NUSAP1: variants seen among roughly 807,000 people sequenced by gnomAD.
The protein encoded by NUSAP1 is nucleolar and spindle-associated protein 1.
Under a neutral mutation model 52.8 loss-of-function variants are expected in NUSAP1, and 32 were observed. That is an observed-to-expected ratio of 0.61 (90% CI 0.46 to 0.81). NUSAP1 has a LOEUF of 0.81. NUSAP1 is among the 40% of genes least tolerant of loss of function. The pLI, the probability that NUSAP1 is intolerant of heterozygous loss-of-function variation, is 0.00. For synonymous variants in NUSAP1, 195 were observed against 183.1 expected (o/e 1.06, Z -0.52); for missense variants, 499 against 522.3 (o/e 0.96, Z 0.43).
At chr15:41,349,450 C>T in intron 3 of NUSAP1, 1 of 465,584 alleles carries the variant, frequency 2.1e-6, no homozygotes, top group South Asian at 3.4e-5. Context: ...AAGTATTAAG[C>T]TCACATTAAA....
At chr15:41,367,274 C>A (rs1331507838) in intron 7 of NUSAP1, among the ~76,000 whole-genome samples, 1 of 152,214 alleles carries the variant, frequency 6.6e-6, no homozygotes, top group Non-Finnish European at 1.5e-5. Context: ...AGGCACATAG[C>A]CACTCAGCCA....
chr15:41,359,816 A>G (rs1156660313), intron 6 of NUSAP1, among the ~76,000 whole-genome samples: 1 of 146,104 alleles, frequency 6.8e-6, no homozygotes, highest in East Asian at 2.1e-4. Context: ...TATTTTTAGT[A>G]GAGACGGGTT....
intron 9 of NUSAP1, 118 bp downstream of exon 9, chr15:41,375,946 A>G: frequency 1.5e-6 from 1 of 655,166 alleles, no homozygotes; most frequent in Non-Finnish European, 2.7e-6. Flanking sequence ...GGCACCTGTA[A>G]TCCCAGATAC....
At chr15:41,340,871 C>T (rs2048343214) in intron 1 of NUSAP1, among the ~76,000 whole-genome samples, 1 of 152,148 alleles carries the variant, frequency 6.6e-6, no homozygotes, top group Non-Finnish European at 1.5e-5. Flanking sequence ...TAGGCTTGCA[C>T]CACAAGCAAA....
intron 7 of NUSAP1, among the ~76,000 whole-genome samples, chr15:41,368,097 C>G (rs1323097618): frequency 6.6e-6 from 1 of 152,176 alleles, no homozygotes. Context: ...TATTTGTTGC[C>G]TTTGTCCTTT....
chr15:41,367,433 G>A (rs1213205591), intron 7 of NUSAP1, among the ~76,000 whole-genome samples: 1 of 152,172 alleles, frequency 6.6e-6, no homozygotes, highest in Admixed American at 6.5e-5. Context: ...CCCCTACCAA[G>A]CCCCTGTGGG....
intron 2 of NUSAP1, among the ~76,000 whole-genome samples, chr15:41,347,728 G>A (rs2048628742): frequency 6.6e-6 from 1 of 151,576 alleles, no homozygotes. Flanking sequence ...GCAGGAGAAT[G>A]GCATGAACCC....
At chr15:41,334,352 C>T (rs1250361618) in intron 1 of NUSAP1, among the ~76,000 whole-genome samples, 5 of 152,132 alleles carry the variant, frequency 3.3e-5, no homozygotes, top group African/African-American at 7.2e-5. Flanking sequence ...CTCCTGACTT[C>T]CTGATCCGCC....
At chr15:41,341,104 C>G (rs2048350448) in intron 1 of NUSAP1, among the ~76,000 whole-genome samples, 1 of 152,130 alleles carries the variant, frequency 6.6e-6, no homozygotes. Flanking sequence ...GCTCTATCGC[C>G]CAGACTAGAG....
intron 6 of NUSAP1, among the ~76,000 whole-genome samples, chr15:41,363,375 C>CAT (rs200759144): frequency 0.015 from 2,301 of 148,578 alleles, 68 homozygotes; most frequent in African/African-American, 0.054. Flanking sequence ...AAATTATATA[C>CAT]ATATATATAT....
intron 1 of NUSAP1, among the ~76,000 whole-genome samples, chr15:41,335,511 A>T (rs932380441): frequency 1.4e-5 from 2 of 138,146 alleles, no homozygotes; most frequent in African/African-American, 5.3e-5. Flanking sequence ...TTTAGTATAG[A>T]TATACTATAT....
Position 41,380,200 on chromosome 15 carries a change from T to A in NUSAP1, c.*14T>A, listed in dbSNP as rs768050707. 3 of 1,527,980 alleles carry A rather than the reference T, an allele frequency of 2.0e-6. No homozygotes were observed. The highest frequency in any genetic ancestry group is 1.2e-5 in the South Asian group (1 of 81,882). 94.7% of individuals were successfully genotyped at this position (1,527,980 alleles called of 1,614,324 possible). Reference sequence around the variant, plus strand: ...GCTGAAGATTAATAATTTTTTAACATCTTGTAAATATTCCTGTATTCTCAA... The same window carrying A: ...GCTGAAGATTAATAATTTTTTAACAACTTGTAAATATTCCTGTATTCTCAA... On this transcript the variant is annotated 3_prime_UTR_variant, in exon 11 of 11. Coordinates refer to ENST00000559596, the MANE Select transcript of NUSAP1 (RefSeq NM_016359.5).
At chr15:41,360,710 G>T (rs959413053) in intron 6 of NUSAP1, among the ~76,000 whole-genome samples, 12 of 151,622 alleles carry the variant, frequency 7.9e-5, no homozygotes, top group African/African-American at 2.9e-4. Flanking sequence ...ACCCACCTCA[G>T]CCTCCCAAAG....
At chr15:41,378,944 G>GGTTTTTTTT (rs1253258207) in intron 10 of NUSAP1, among the ~76,000 whole-genome samples, 6 of 63,260 alleles carry the variant, frequency 9.5e-5, no homozygotes, top group African/African-American at 3.5e-4. Flanking sequence ...ACTTATCTTG[G>GGTTTTTTTT]TTTTTTTTTT....
chr15:41,345,200 A>G lies in NUSAP1; in HGVS notation c.162+2746A>G, dbSNP rs536142150. Among the ~76,000 whole-genome samples, 4 of 151,510 alleles carry G rather than the reference A, an allele frequency of 2.6e-5. No homozygotes were observed. In the East Asian group the frequency reaches 7.9e-4, roughly 30 times the overall value. On this transcript the variant is annotated intron_variant, in intron 2 of 10. Transcript: ENST00000559596. ...TTTTTAGTAGAGACGGGGTTTCACA[A>G]TATTGCCCGGGCTGGTCTCAAACTC...
chr15:41,337,028 A>T (rs1473822009), intron 1 of NUSAP1, among the ~76,000 whole-genome samples: 4 of 90,598 alleles, frequency 4.4e-5, no homozygotes, highest in Admixed American at 3.2e-4. Context: ...TTTTTTTGAG[A>T]CAGGGTCTTG....
intron 7 of NUSAP1, among the ~76,000 whole-genome samples, chr15:41,366,893 C>T (rs1029254802): frequency 6.6e-6 from 1 of 152,196 alleles, no homozygotes; most frequent in Admixed American, 6.5e-5. Flanking sequence ...AGAACATACT[C>T]ATATGAATAG....
At chr15:41,372,270 G>A (rs149862727) in intron 8 of NUSAP1, among the ~76,000 whole-genome samples, 144 of 152,246 alleles carry the variant, frequency 9.5e-4, no homozygotes, top group African/African-American at 3.4e-3. Flanking sequence ...GGGATTCGGA[G>A]GATGAGCACA....
intron 6 of NUSAP1, among the ~76,000 whole-genome samples, chr15:41,360,300 G>A (rs1016905149): frequency 4.1e-5 from 6 of 146,336 alleles, no homozygotes; most frequent in Admixed American, 1.4e-4. Context: ...CACCACACCC[G>A]GCTAATTTTT....
Sources: gnomAD v4.1 joint callset for allele counts (sites outside exome capture counted in the v4.1 genomes callset) on GRCh38, gnomAD v4.1.1 for gene constraint, MANE v1.5 for transcripts, NCBI Gene and HGNC (gene_info 2026-07-23, HGNC 2026-07-21) for gene names.